FSTL5: variants seen among roughly 807,000 people sequenced by gnomAD.
The protein encoded by FSTL5 is follistatin like 5.
FSTL5 carries 62 observed loss-of-function variants against 89.1 expected under a neutral mutation model. The observed-to-expected ratio is 0.70, with a 90% CI of 0.57 to 0.86. The LOEUF is 0.86. Among genes scored for constraint, FSTL5 ranks in the 40% least tolerant of loss-of-function variants. FSTL5 has a pLI of 0.00. For synonymous variants in FSTL5, 383 were observed against 346.2 expected (o/e 1.11, Z -1.18); for missense variants, 1,057 against 1,001.6 (o/e 1.06, Z -0.75).
intron 4 of FSTL5, among the ~76,000 whole-genome samples, chr4:161,873,190 TG>T (rs1161520485): frequency 1.3e-5 from 2 of 152,140 alleles, no homozygotes; most frequent in African/African-American, 2.4e-5. Flanking sequence ...TGCCCTGCCC[TG>T]GCCCAATCAG....
chr4:161,633,245 C>G (rs924565841), intron 7 of FSTL5, among the ~76,000 whole-genome samples: 1 of 150,044 alleles, frequency 6.7e-6, no homozygotes, highest in Non-Finnish European at 1.5e-5. Flanking sequence ...GCTTCCCCCC[C>G]ACTTTTGTTT....
At chr4:162,040,118 C>T (rs1302771274) in intron 2 of FSTL5, among the ~76,000 whole-genome samples, 2 of 152,000 alleles carry the variant, frequency 1.3e-5, no homozygotes, top group South Asian at 2.1e-4. Flanking sequence ...GAACTCTTCC[C>T]TTCTCTCTGA....
At chr4:161,641,939 A>G (rs1578989342) in intron 7 of FSTL5, among the ~76,000 whole-genome samples, 1 of 152,230 alleles carries the variant, frequency 6.6e-6, no homozygotes, top group Non-Finnish European at 1.5e-5. Context: ...ATAGTTACGC[A>G]AGAAATGACA....
intron 15 of FSTL5, among the ~76,000 whole-genome samples, chr4:161,444,691 A>G (rs1438179288): frequency 9.1e-6 from 1 of 110,034 alleles, no homozygotes; most frequent in African/African-American, 3.5e-5. Context: ...TGAGGAGTTG[A>G]GTTTTGTTGT....
chr4:161,794,037 A>G (rs1427025170), intron 4 of FSTL5, among the ~76,000 whole-genome samples: 2 of 152,184 alleles, frequency 1.3e-5, no homozygotes, highest in Non-Finnish European at 2.9e-5. Flanking sequence ...GACCACAAAG[A>G]GTATTTTGGG....
At chr4:161,654,081 A>G (rs188377417) in intron 7 of FSTL5, among the ~76,000 whole-genome samples, 297 of 152,250 alleles carry the variant, frequency 2.0e-3, no homozygotes, top group Non-Finnish European at 3.2e-3. Flanking sequence ...ATATTTATGT[A>G]TATTTTAGAG....
At chr4:161,529,158 T>G (rs1345086801) in intron 10 of FSTL5, among the ~76,000 whole-genome samples, 1 of 143,520 alleles carries the variant, frequency 7.0e-6, no homozygotes, top group Non-Finnish European at 1.5e-5. Context: ...AACCTGTCAA[T>G]TTTAGTGACA....
intron 15 of FSTL5, among the ~76,000 whole-genome samples, chr4:161,430,854 G>C (rs1040312410): frequency 1.3e-5 from 2 of 152,170 alleles, no homozygotes; most frequent in Admixed American, 1.3e-4. Context: ...CCAGTACATT[G>C]GCAGCAGACT....
intron 3 of FSTL5, among the ~76,000 whole-genome samples, chr4:161,979,742 T>C (rs180693500): frequency 6.6e-6 from 1 of 152,278 alleles, no homozygotes; most frequent in African/African-American, 2.4e-5. Flanking sequence ...TTTTCTATGA[T>C]AACAACATAT....
chr4:161,683,477 C>T (rs1737596030), intron 6 of FSTL5, among the ~76,000 whole-genome samples: 1 of 151,958 alleles, frequency 6.6e-6, no homozygotes, highest in Admixed American at 6.6e-5. Context: ...TACTGTTTCA[C>T]ATTAGCATTT....
At chr4:161,601,295 C>T in intron 7 of FSTL5, among the ~76,000 whole-genome samples, 1 of 140,696 alleles carries the variant, frequency 7.1e-6, no homozygotes, top group South Asian at 2.3e-4. Context: ...TACCTGCATC[C>T]TTTCCCCTAG....
intron 4 of FSTL5, among the ~76,000 whole-genome samples, chr4:161,913,610 G>A (rs941854448): frequency 6.6e-6 from 1 of 152,188 alleles, no homozygotes; most frequent in Non-Finnish European, 1.5e-5. Flanking sequence ...GATACTCAAT[G>A]CCAGCCATGA....
intron 8 of FSTL5, among the ~76,000 whole-genome samples, chr4:161,578,160 T>G (rs933356952): frequency 1.3e-5 from 2 of 151,894 alleles, no homozygotes; most frequent in African/African-American, 4.8e-5. Context: ...ACAATAAATT[T>G]CAGACATGAT....
At position 161,474,577 on chromosome 4, in the gene FSTL5, G is replaced by C. The variant is rs184928886; in HGVS notation, c.1608+6443C>G. On this transcript the variant is annotated intron_variant, in intron 13 of 15. Transcript: ENST00000306100. Reference sequence around the variant, plus strand: ...TTTTTTTTGAGATGGGCGGAGTCTCGCTCTCTCGCTCAGGCTGGAGTGCAG... The same window carrying C: ...TTTTTTTTGAGATGGGCGGAGTCTCCCTCTCTCGCTCAGGCTGGAGTGCAG... Among the ~76,000 whole-genome samples the C allele has an allele frequency of 5.0e-3, 736 of 146,704 alleles. 4 individuals carry two copies. Among genetic ancestry groups the C allele is most frequent in the African/African-American group, 0.017 (657 of 39,802 alleles).
chr4:161,807,196 T>TACACACACACACACACACACAC (rs10561299), intron 4 of FSTL5, among the ~76,000 whole-genome samples: 9 of 146,514 alleles, frequency 6.1e-5, no homozygotes, highest in African/African-American at 2.3e-4. Flanking sequence ...CACATGAGAA[T>TACACACACACACACACACACAC]ACACACACAC....
chr4:161,499,037 A>G (rs557958302), intron 12 of FSTL5, among the ~76,000 whole-genome samples: 33 of 152,126 alleles, frequency 2.2e-4, no homozygotes, highest in Admixed American at 1.9e-3. Context: ...CCACGTCTCT[A>G]TGAAAAATAC....
chr4:161,981,612 TA>T (rs1382000044), intron 3 of FSTL5, among the ~76,000 whole-genome samples: 5 of 152,188 alleles, frequency 3.3e-5, no homozygotes, highest in African/African-American at 9.7e-5. Flanking sequence ...TGTGTTTCCA[TA>T]ATGACATATG....
intron 4 of FSTL5, among the ~76,000 whole-genome samples, chr4:161,904,823 T>C (rs1026744501): frequency 1.3e-5 from 2 of 151,978 alleles, no homozygotes; most frequent in Non-Finnish European, 2.9e-5. Context: ...CAGTGTAACA[T>C]GAATGCCAGG....
chr4:162,115,795 T>A (rs1374902018), intron 1 of FSTL5, among the ~76,000 whole-genome samples: 2 of 152,198 alleles, frequency 1.3e-5, no homozygotes, highest in Non-Finnish European at 2.9e-5. Flanking sequence ...TTTTATTTTC[T>A]CCGCATGGCA....
Sources: gnomAD v4.1 joint callset for allele counts (sites outside exome capture counted in the v4.1 genomes callset) on GRCh38, gnomAD v4.1.1 for gene constraint, MANE v1.5 for transcripts, NCBI Gene and HGNC (gene_info 2026-07-23, HGNC 2026-07-21) for gene names.